Variants in RAD52 observed in about 807,000 individuals in gnomAD.
RAD52 encodes the protein RAD52 DNA repair protein.
In RAD52, 47 loss-of-function variants were observed where a neutral mutation model predicts 55.5. The observed-to-expected ratio is 0.85, with a 90% CI of 0.67 to 1.08. The LOEUF (loss-of-function observed/expected upper bound fraction) is 1.08, where lower values mean the gene tolerates loss of function less well. Ranked by LOEUF, RAD52 falls within the 50% of genes least tolerant of loss-of-function variation. The pLI is 0.00. For synonymous variants in RAD52, 184 were observed against 198.9 expected, an observed-to-expected ratio of 0.92 and a Z score of 0.63; for missense variants, 468 against 522.8, an observed-to-expected ratio of 0.90 and a Z score of 1.02.
chr12:927,415 C>T (rs1446015585), intron 5 of RAD52, 152 bp from the exon 6 acceptor site: 45 of 677,716 alleles, frequency 6.6e-5, no homozygotes, highest in Non-Finnish European at 7.9e-5. Flanking sequence ...GAGAATCCAT[C>T]GCGAGTGCTG....
At chr12:984,093 C>CT (rs1419254410) in intron 1 of RAD52, among the ~76,000 whole-genome samples, 1 of 152,212 alleles carries the variant, frequency 6.6e-6, no homozygotes, top group Admixed American at 6.5e-5. Flanking sequence ...TTATCTTCTC[C>CT]AGAAATGTTT....
rs755702093 is a variant in RAD52 at position 914,017 on chromosome 12, A to G, written c.1072T>C (p.Leu358=). The G allele has an allele frequency of 6.2e-7, 1 of 1,614,122 alleles. No individual in the cohort carries two copies. The highest frequency in any genetic ancestry group is 8.5e-7 in the Non-Finnish European group (1 of 1,180,010). ...RADPAQTSDT[L]ALNNQMVTQN... ...GTCACCATCTGGTTGTTCAAGGCTA[A>G]TGTGTCAGAGGTCTGGGCTGGGTCT... Residue 358 remains leucine, a synonymous_variant, in exon 11 of 12, where the codon TTA becomes CTA. Coordinates refer to ENST00000358495, the MANE Select transcript of RAD52 (RefSeq NM_134424.4).
rs1565689353 is a variant in RAD52, at chr12:944,776, T to TTTC, written c.-19+4825_-19+4826insGAA. On this transcript the variant is annotated intron_variant, in intron 1 of 11. Transcript: ENST00000358495. ...CCTAAAAGCATTTTTCTTTCTTTTT[T>TTTC]TTTTTTTTTGAGGAGTCTCACACTG... 1.3e-3 allele frequency among the ~76,000 whole-genome samples: 190 copies of TTTC among 150,768 alleles called. 4 individuals carry two copies. Among genetic ancestry groups the TTTC allele is most frequent in the African/African-American group, 4.5e-3 (188 of 41,324 alleles).
chr12:923,375 A>T (rs1956841445), intron 7 of RAD52, among the ~76,000 whole-genome samples: 1 of 151,866 alleles, frequency 6.6e-6, no homozygotes, highest in Admixed American at 6.6e-5. Flanking sequence ...TACAAAAAAA[A>T]TAGTAATAAT....
intron 1 of RAD52, among the ~76,000 whole-genome samples, chr12:981,111 C>T (rs1329377926): frequency 6.6e-6 from 1 of 151,602 alleles, no homozygotes; most frequent in Non-Finnish European, 1.5e-5. Flanking sequence ...GGGCAGATAG[C>T]TTGAGGTCAG....
At chr12:950,734 C>T (rs925991765), upstream of RAD52, among the ~76,000 whole-genome samples, 3 of 151,480 alleles carry the variant, frequency 2.0e-5, no homozygotes, top group Admixed American at 6.6e-5. Flanking sequence ...CTTTTTGTGG[C>T]GAGATATTTT....
intron 1 of RAD52, among the ~76,000 whole-genome samples, chr12:966,845 C>T (rs913978569): frequency 6.6e-5 from 10 of 151,754 alleles, no homozygotes; most frequent in African/African-American, 2.2e-4. Context: ...TAAATAAGGC[C>T]GGCGAGGCTC....
chr12:942,445 A>C (rs1957968142), intron 1 of RAD52, among the ~76,000 whole-genome samples: 1 of 152,156 alleles, frequency 6.6e-6, no homozygotes, highest in Non-Finnish European at 1.5e-5. Context: ...TTAAACATAA[A>C]ACTAAAACTA....
intron 1 of RAD52, among the ~76,000 whole-genome samples, chr12:984,374 T>C (rs1201467878): frequency 5.9e-5 from 9 of 152,020 alleles, no homozygotes; most frequent in Non-Finnish European, 1.2e-4. Context: ...TTTTTTGTAT[T>C]GTTAGTAGAG....
chr12:929,705 T>G (rs894926122), intron 5 of RAD52, 114 bp downstream of exon 5: 41 of 998,674 alleles, frequency 4.1e-5, no homozygotes, highest in African/African-American at 7.9e-5. Context: ...GAACGCTGGC[T>G]GAGACACAAC....
At chr12:967,644 A>G (rs1958787828) in intron 1 of RAD52, among the ~76,000 whole-genome samples, 1 of 151,760 alleles carries the variant, frequency 6.6e-6, no homozygotes, top group African/African-American at 2.4e-5. Context: ...GGTCTCTGTC[A>G]CCCAGGCCGA....
intron 1 of RAD52, among the ~76,000 whole-genome samples, chr12:939,613 G>A (rs773226731): frequency 3.3e-5 from 5 of 152,120 alleles, no homozygotes; most frequent in African/African-American, 4.8e-5. Context: ...AATCACCAAC[G>A]TCTCATATCT....
intron 6 of RAD52, 168 bp downstream of exon 6, chr12:926,977 G>C: frequency 6.4e-7 from 1 of 1,566,534 alleles, no homozygotes; most frequent in Non-Finnish European, 8.6e-7. Context: ...AAATACTAAC[G>C]AAAGTGGGAA....
At chr12:940,597 G>A (rs966993063) in intron 1 of RAD52, among the ~76,000 whole-genome samples, 1 of 151,872 alleles carries the variant, frequency 6.6e-6, no homozygotes, top group Non-Finnish European at 1.5e-5. Context: ...TGGAGACAGA[G>A]CAAGACTCCG....
intron 7 of RAD52, among the ~76,000 whole-genome samples, chr12:923,795 C>T (rs1385174238): frequency 6.6e-6 from 1 of 151,998 alleles, no homozygotes; most frequent in African/African-American, 2.4e-5. Flanking sequence ...CGGTGGCTCA[C>T]GCCTGTCATC....
At chr12:947,916 G>A (rs1026654509) in intron 1 of RAD52, among the ~76,000 whole-genome samples, 6 of 144,104 alleles carry the variant, frequency 4.2e-5, no homozygotes, top group Non-Finnish European at 7.6e-5. Flanking sequence ...AAAAAAAACT[G>A]CCCTAAACGA....
intron 1 of RAD52, among the ~76,000 whole-genome samples, chr12:980,006 C>T (rs906223306): frequency 6.6e-5 from 10 of 152,028 alleles, no homozygotes; most frequent in South Asian, 6.2e-4. Context: ...GAGATCGTGC[C>T]GATGAAACCC....
At chr12:975,889 T>TCTATA (rs1354651530) in intron 1 of RAD52, 3 of 152,382 alleles carry the variant, frequency 2.0e-5, no homozygotes, top group African/African-American at 7.2e-5. Flanking sequence ...ATGATATAGT[T>TCTATA]CTGAGTCTCT....
At chr12:989,582 T>C (rs901019356) in intron 1 of RAD52, among the ~76,000 whole-genome samples, 2 of 152,192 alleles carry the variant, frequency 1.3e-5, no homozygotes, top group Non-Finnish European at 2.9e-5. Context: ...AACAAAAATC[T>C]GAATCTGTGT....
Sources: allele counts gnomAD v4.1 joint callset (sites outside exome capture counted in the v4.1 genomes callset), GRCh38; gene constraint gnomAD v4.1.1; transcripts MANE v1.5; gene names NCBI Gene and HGNC (gene_info 2026-07-23, HGNC 2026-07-21).